GRID2: variants seen among roughly 807,000 people sequenced by gnomAD.
The protein encoded by GRID2 is glutamate receptor ionotropic, delta-2.
A neutral mutation model predicts 114.8 loss-of-function variants in GRID2; 33 were observed. The ratio of observed to expected loss-of-function variants is 0.29; its 90% CI spans 0.22 to 0.38. The LOEUF (loss-of-function observed/expected upper bound fraction) is 0.38, where lower values mean the gene tolerates loss of function less well. Ranked by LOEUF, GRID2 falls within the 10% of genes least tolerant of loss-of-function variation. The probability of loss-of-function intolerance (pLI) is 1.00; values close to 1 mark genes in which losing one functional copy is unlikely to be tolerated. For synonymous variants in GRID2, 505 were observed against 449.9 expected (o/e 1.12, Z -1.55); for missense variants, 1,184 against 1,257.7 (o/e 0.94, Z 0.89).
At chr4:92,772,993 A>G (rs560657719) in intron 2 of GRID2, among the ~76,000 whole-genome samples, 5 of 152,290 alleles carry the variant, frequency 3.3e-5, no homozygotes, top group South Asian at 2.1e-4. Flanking sequence ...TTCTAGAAAA[A>G]TCACCTACTC....
At chr4:93,285,485 T>C (rs1753059915) in intron 8 of GRID2, among the ~76,000 whole-genome samples, 1 of 152,066 alleles carries the variant, frequency 6.6e-6, no homozygotes, top group Non-Finnish European at 1.5e-5. Context: ...TCCCATGTCT[T>C]AAGATAATTT....
At chr4:92,364,917 G>A (rs1214458716) in intron 1 of GRID2, among the ~76,000 whole-genome samples, 4 of 151,970 alleles carry the variant, frequency 2.6e-5, no homozygotes, top group Admixed American at 1.3e-4. Context: ...TATCTAAACT[G>A]GCTGTTGACC....
chr4:92,621,685 T>C (rs1172176814), intron 2 of GRID2, among the ~76,000 whole-genome samples: 1 of 151,632 alleles, frequency 6.6e-6, no homozygotes, highest in Non-Finnish European at 1.5e-5. Context: ...ATTCCAGAGA[T>C]AAGGAACCAA....
At position 92,898,051 on chromosome 4, in the gene GRID2, A is replaced by G. The variant is rs896725394; in HGVS notation, c.245-186944A>G. The stretch of plus-strand genomic sequence containing the variant: ...ATTGTAAGTTAAAAAAAAGTTGTAG[A>G]TAATATATAAGAAAATACAAAACAA... On this transcript the variant is annotated intron_variant, in intron 2 of 15. Transcript: ENST00000282020. Among the ~76,000 whole-genome samples, 55 of 152,204 alleles carry G rather than the reference A, an allele frequency of 3.6e-4. 1 individual carries two copies. The highest frequency in any genetic ancestry group is 1.3e-3 in the African/African-American group (54 of 41,460).
At chr4:93,613,585 T>G (rs1466077842) in intron 13 of GRID2, among the ~76,000 whole-genome samples, 1 of 102,408 alleles carries the variant, frequency 9.8e-6, no homozygotes, top group Non-Finnish European at 2.2e-5. Flanking sequence ...GAGGTGTCAG[T>G]GTGCCCCTGC....
At chr4:92,573,165 G>C (rs1160554805) in intron 1 of GRID2, among the ~76,000 whole-genome samples, 3 of 151,992 alleles carry the variant, frequency 2.0e-5, no homozygotes, top group Admixed American at 2.0e-4. Flanking sequence ...GGTCAGTGGT[G>C]ATATCTCCCT....
intron 2 of GRID2, among the ~76,000 whole-genome samples, chr4:93,046,572 A>G (rs1321603348): frequency 3.3e-5 from 5 of 152,074 alleles, no homozygotes; most frequent in African/African-American, 7.2e-5. Flanking sequence ...GAATATTCTC[A>G]TATATTATTC....
At chr4:93,578,997 C>G (rs1578304672) in intron 13 of GRID2, among the ~76,000 whole-genome samples, 1 of 152,272 alleles carries the variant, frequency 6.6e-6, no homozygotes, top group East Asian at 1.9e-4. Flanking sequence ...TTCGTAGGAG[C>G]ATTTCTGGAG....
chr4:92,941,505 T>C (rs961893216), intron 2 of GRID2, among the ~76,000 whole-genome samples: 2 of 152,134 alleles, frequency 1.3e-5, no homozygotes, highest in Non-Finnish European at 2.9e-5. Flanking sequence ...TTTGTTGATC[T>C]TTTCAAAAAA....
At chr4:93,066,300 C>T (rs571690204) in intron 2 of GRID2, among the ~76,000 whole-genome samples, 1 of 152,046 alleles carries the variant, frequency 6.6e-6, no homozygotes, top group South Asian at 2.1e-4. Context: ...CTGTTCATCT[C>T]ATTACTATTA....
At chr4:93,309,591 G>A (rs1426528620) in intron 8 of GRID2, among the ~76,000 whole-genome samples, 1 of 151,826 alleles carries the variant, frequency 6.6e-6, no homozygotes, top group Non-Finnish European at 1.5e-5. Flanking sequence ...ATTAATGAAT[G>A]AAACTGGAGA....
At chr4:93,727,834 C>T (rs1383329551) in intron 14 of GRID2, among the ~76,000 whole-genome samples, 8 of 151,984 alleles carry the variant, frequency 5.3e-5, no homozygotes, top group Non-Finnish European at 1.2e-4. Flanking sequence ...TGATGATATC[C>T]CCTTTATCAT....
chr4:92,621,974 A>C lies in GRID2; in HGVS notation c.244+31688A>C, dbSNP rs550524515. 2.6e-5 allele frequency among the ~76,000 whole-genome samples: 4 copies of C among 151,944 alleles called. No individual in the cohort carries two copies. The East Asian group carries it at 7.8e-4, about 30-fold the overall frequency. ...AGGAGCTAAAGAGGAGAAATTTGTTAAACATTGAACTATTGAGCTAATAGA... is the reference window on the plus strand; with the variant it reads ...AGGAGCTAAAGAGGAGAAATTTGTTCAACATTGAACTATTGAGCTAATAGA... On this transcript the variant is annotated intron_variant, in intron 2 of 15. Transcript: ENST00000282020.
At chr4:92,619,938 T>G (rs1730186730) in intron 2 of GRID2, among the ~76,000 whole-genome samples, 1 of 151,654 alleles carries the variant, frequency 6.6e-6, no homozygotes, top group Non-Finnish European at 1.5e-5. Flanking sequence ...ATTTAGACCA[T>G]GTGATTCAGT....
chr4:93,602,022 G>C (rs1281961599), intron 13 of GRID2, among the ~76,000 whole-genome samples: 1 of 152,104 alleles, frequency 6.6e-6, no homozygotes, highest in Non-Finnish European at 1.5e-5. Context: ...TTCATAACAT[G>C]ACAAAGTTAT....
chr4:92,490,586 T>A (rs1367361854), intron 1 of GRID2, among the ~76,000 whole-genome samples: 1 of 152,192 alleles, frequency 6.6e-6, no homozygotes, highest in Non-Finnish European at 1.5e-5. Context: ...TTAGACACTA[T>A]AACTCTATCA....
At chr4:92,518,469 C>T (rs774325500) in intron 1 of GRID2, among the ~76,000 whole-genome samples, 2 of 151,836 alleles carry the variant, frequency 1.3e-5, no homozygotes, top group African/African-American at 2.4e-5. Context: ...AATACTGCAT[C>T]ATTCCACTTA....
chr4:93,720,517 A>T (rs910774602), intron 14 of GRID2, among the ~76,000 whole-genome samples: 2 of 152,226 alleles, frequency 1.3e-5, no homozygotes, highest in Non-Finnish European at 1.5e-5. Flanking sequence ...AAATGGTCAC[A>T]GACACCTGCT....
At chr4:93,133,438 G>T (rs979234276) in intron 4 of GRID2, among the ~76,000 whole-genome samples, 6 of 152,094 alleles carry the variant, frequency 3.9e-5, no homozygotes, top group African/African-American at 1.4e-4. Flanking sequence ...CACCTTTGTT[G>T]AACTCATTAC....
Sources: allele counts gnomAD v4.1 joint callset (sites outside exome capture counted in the v4.1 genomes callset), GRCh38; gene constraint gnomAD v4.1.1; transcripts MANE v1.5; gene names NCBI Gene and HGNC (gene_info 2026-07-23, HGNC 2026-07-21).